The following GTF2IRD1 variants were observed in gnomAD, a reference collection of about 807,000 sequenced individuals.
GTF2IRD1 encodes the protein general transcription factor II-I repeat domain-containing protein 1.
Under a neutral mutation model 113.2 loss-of-function variants are expected in GTF2IRD1, and 26 were observed. That is an observed-to-expected ratio of 0.23 (90% CI 0.17 to 0.32). The LOEUF is 0.32. GTF2IRD1 is among the 10% of genes least tolerant of loss of function. The pLI is 1.00. For synonymous variants in GTF2IRD1, 484 were observed against 529.1 expected, an observed-to-expected ratio of 0.91 and a Z score of 1.17; for missense variants, 864 against 1,280.8, an observed-to-expected ratio of 0.67 and a Z score of 4.97.
rs781850275 is a variant in GTF2IRD1 at position 74,529,933 on chromosome 7, G to T, written c.1274+16G>T. 6.3e-7 allele frequency: 1 copy of T among 1,597,676 alleles called. No homozygotes were observed. Among genetic ancestry groups the T allele is most frequent in the South Asian group, 1.1e-5 (1 of 90,516 alleles). ...TCATTAAGAGGTGCGGGTGGGGCTG[G>T]GCGCAGTGGCTCATGCCTGTAATCC... On this transcript the variant is annotated intron_variant, in intron 9 of 26. Coordinates refer to ENST00000424337, the MANE Select transcript of GTF2IRD1 (RefSeq NM_005685.4).
chr7:74,573,769 G>A (rs942655779), intron 22 of GTF2IRD1, among the ~76,000 whole-genome samples: 1 of 152,132 alleles, frequency 6.6e-6, no homozygotes. Context: ...GGGAGGTGGA[G>A]GTTGGGGGCC....
chr7:74,557,810 C>A, intron 20 of GTF2IRD1, 88 bp downstream of exon 20: 1 of 787,038 alleles, frequency 1.3e-6, no homozygotes, highest in Non-Finnish European at 2.2e-6. Context: ...GAGGGCATTT[C>A]TGGGGAAACA....
At chr7:74,585,913 T>A (rs1336391272) in intron 22 of GTF2IRD1, among the ~76,000 whole-genome samples, 1 of 150,254 alleles carries the variant, frequency 6.7e-6, no homozygotes, top group African/African-American at 2.4e-5. Flanking sequence ...AAAGAAACTG[T>A]AGAGGAATCT....
In GTF2IRD1 at chr7:74,558,377, T is replaced by G. The variant is rs1799744522; in HGVS notation, c.2108-484T>G. ...TTTTTTTTTTTTTTTTTTTTTTTTTTGAGACAGGGTCTCACTCTGTCACCC... is the reference window on the plus strand; with the variant it reads ...TTTTTTTTTTTTTTTTTTTTTTTTTGGAGACAGGGTCTCACTCTGTCACCC... On this transcript the variant is annotated intron_variant, in intron 20 of 26. Coordinates refer to ENST00000424337, the MANE Select transcript of GTF2IRD1 (RefSeq NM_005685.4). Among the ~76,000 whole-genome samples the G allele has an allele frequency of 2.5e-5, 3 of 121,770 alleles. No individual in the cohort carries two copies. In the South Asian group the frequency reaches 7.8e-4, roughly 32 times the overall value. 79.9% of individuals were successfully genotyped at this position (121,770 alleles called of 152,430 possible).
intron 4 of GTF2IRD1, among the ~76,000 whole-genome samples, chr7:74,517,923 A>AGCCCCC (rs1299857135): frequency 2.6e-5 from 4 of 152,100 alleles, no homozygotes; most frequent in Non-Finnish European, 4.4e-5. Context: ...GGGGAGCCCC[A>AGCCCCC]GCCCCCCAGA....
intron 1 of GTF2IRD1, among the ~76,000 whole-genome samples, chr7:74,461,522 A>G (rs1332497017): frequency 6.6e-6 from 1 of 152,184 alleles, no homozygotes; most frequent in Non-Finnish European, 1.5e-5. Flanking sequence ...AGGGAGTCTC[A>G]TTAGGTCCTG....
At position 74,515,206 on chromosome 7, in the gene GTF2IRD1, G is replaced by A; in HGVS notation, c.266-235G>A. On this transcript the variant is annotated intron_variant, in intron 3 of 26. Transcript: ENST00000424337. ...TAACCCAAGGTCACACAGCAAATTA[G>A]AGGTGACCAGAGGTGAGGCCCAGCC... The A allele has an allele frequency of 4.2e-6, 3 of 708,332 alleles. No individual in the cohort carries two copies. The South Asian group carries it at 5.2e-5, about 12-fold the overall frequency. The allele number at this position is 708,332 out of a possible 1,614,324, so 43.9% of individuals were successfully genotyped here.
At chr7:74,479,026 G>A (rs973755389) in intron 1 of GTF2IRD1, among the ~76,000 whole-genome samples, 1 of 151,834 alleles carries the variant, frequency 6.6e-6, no homozygotes, top group African/African-American at 2.4e-5. Context: ...GGGACCCCCC[G>A]TCGCCAGCTC....
chr7:74,491,374 A>G (rs986487646), intron 1 of GTF2IRD1, among the ~76,000 whole-genome samples: 1 of 142,224 alleles, frequency 7.0e-6, no homozygotes, highest in African/African-American at 2.7e-5. Flanking sequence ...GGTTTGTGAC[A>G]TAGGTAAACT....
intron 1 of GTF2IRD1, among the ~76,000 whole-genome samples, chr7:74,466,678 C>T (rs1207403716): frequency 6.6e-6 from 1 of 152,164 alleles, no homozygotes; most frequent in East Asian, 1.9e-4. Context: ...TCTCCCTCTC[C>T]AGGTCACGTT....
chr7:74,592,447 G>A, intron 24 of GTF2IRD1, among the ~76,000 whole-genome samples: 1 of 151,096 alleles, frequency 6.6e-6, no homozygotes, highest in East Asian at 2.0e-4. Flanking sequence ...TCGAACTCCT[G>A]GGCTCAAGCC....
chr7:74,490,410 G>A (rs1452538948), intron 1 of GTF2IRD1, among the ~76,000 whole-genome samples: 6 of 152,046 alleles, frequency 3.9e-5, no homozygotes, highest in Admixed American at 6.5e-5. Context: ...TGTTCTTCCC[G>A]GCTACAGTGA....
intron 1 of GTF2IRD1, among the ~76,000 whole-genome samples, chr7:74,483,868 A>C (rs11975152): frequency 0.12 from 18,874 of 152,074 alleles, 1,281 homozygotes; most frequent in African/African-American, 0.18. Flanking sequence ...AAAAAAAAAA[A>C]AATCTTATTT....
intron 17 of GTF2IRD1, among the ~76,000 whole-genome samples, chr7:74,553,118 G>A (rs188458195): frequency 2.6e-5 from 4 of 151,974 alleles, no homozygotes; most frequent in African/African-American, 7.2e-5. Flanking sequence ...GATTAGAGGC[G>A]TGAGCCACCA....
At chr7:74,559,298 C>T (rs1196553004) in intron 21 of GTF2IRD1, among the ~76,000 whole-genome samples, 1 of 152,182 alleles carries the variant, frequency 6.6e-6, no homozygotes, top group Non-Finnish European at 1.5e-5. Flanking sequence ...ACCTGTTCAG[C>T]AACACCCGCT....
In GTF2IRD1 at chr7:74,519,409, G is replaced by A; in HGVS notation, c.606G>A (p.Arg202=). ...HSHRIRFKLK[R]PLEDGGRDSK... ...TCCATGTGTCCTCTCCTTTACTCAG[G>A]CCACTTGAGGATGGCGGGCGGGACT... Residue 202 remains arginine (R), a splice_region_variant and synonymous_variant, in exon 6 of 27, where the codon AGG becomes AGA. Transcript: ENST00000424337. The A allele has an allele frequency of 6.6e-7, 1 of 1,523,140 alleles. No individual in the cohort carries two copies. The highest frequency in any genetic ancestry group is 8.8e-7 in the Non-Finnish European group (1 of 1,135,494). The allele number at this position is 1,523,140 out of a possible 1,614,324, so 94.4% of individuals were successfully genotyped here. A position where few individuals can be genotyped will look rare whatever the true frequency, so the allele number is the denominator to read the frequency against.
chr7:74,582,876 C>T lies in GTF2IRD1; in HGVS notation c.2321-6975C>T, dbSNP rs1554366535. ...GTAGCCTGGGCAACATAGCAAGATC[C>T]CATCTCTACAAAAGATGGAAAAATT... On this transcript the variant is annotated intron_variant, in intron 22 of 26. Transcript: ENST00000424337. Among the ~76,000 whole-genome samples, 3 of 152,116 alleles carry T rather than the reference C, an allele frequency of 2.0e-5. No individual in the cohort carries two copies. In the East Asian group the frequency reaches 5.8e-4, roughly 29 times the overall value.
At chr7:74,457,367 A>T (rs1554327670) in intron 1 of GTF2IRD1, among the ~76,000 whole-genome samples, 2 of 152,226 alleles carry the variant, frequency 1.3e-5, no homozygotes, top group Non-Finnish European at 2.9e-5. Context: ...CACTAGGGAC[A>T]GGAAGGGATG....
At chr7:74,572,350 T>G (rs1554362875) in intron 22 of GTF2IRD1, among the ~76,000 whole-genome samples, 3 of 152,122 alleles carry the variant, frequency 2.0e-5, no homozygotes, top group Non-Finnish European at 2.9e-5. Flanking sequence ...TAAGTTAACT[T>G]GCTATCTCTG....
Sources: gnomAD v4.1 joint callset for allele counts (sites outside exome capture counted in the v4.1 genomes callset) on GRCh38, gnomAD v4.1.1 for gene constraint, MANE v1.5 for transcripts, NCBI Gene and HGNC (gene_info 2026-07-23, HGNC 2026-07-21) for gene names.